The following SGCD variants were observed in gnomAD, a reference collection of about 807,000 sequenced individuals.
The protein encoded by SGCD is sarcoglycan delta.
In SGCD, 18 loss-of-function variants were observed where a neutral mutation model predicts 36.6. That is an observed-to-expected ratio of 0.49 (90% CI 0.34 to 0.73). The LOEUF (loss-of-function observed/expected upper bound fraction) is 0.73. Among genes scored for constraint, SGCD ranks in the 30% least tolerant of loss-of-function variants. The pLI, the probability that SGCD is intolerant of heterozygous loss-of-function variation, is 0.01. For synonymous variants in SGCD, 133 were observed against 130.6 expected (o/e 1.02, Z -0.12); for missense variants, 387 against 346.7 (o/e 1.12, Z -0.92).
At chr5:156,155,767 A>G (rs1383454862) in intron 3 of SGCD, among the ~76,000 whole-genome samples, 1 of 151,590 alleles carries the variant, frequency 6.6e-6, no homozygotes, top group East Asian at 1.9e-4. Flanking sequence ...CGAAAGACTG[A>G]CTTGTGCTCC....
chr5:156,108,051 T>C (rs1355757390), intron 1 of SGCD, among the ~76,000 whole-genome samples: 1 of 152,092 alleles, frequency 6.6e-6, no homozygotes, highest in Non-Finnish European at 1.5e-5. Flanking sequence ...AGGAATGAAG[T>C]ACATTGTCTA....
chr5:155,754,132 AT>A, the SGCD span, among the ~76,000 whole-genome samples: 1 of 152,174 alleles, frequency 6.6e-6, no homozygotes, highest in Non-Finnish European at 1.5e-5. Flanking sequence ...CTGGACTATC[AT>A]TTGGAGTCCT....
At position 156,416,954 on chromosome 5, in the gene SGCD, G is replaced by A. The variant is rs191745205; in HGVS notation, c.192+72277G>A. ...TAGATTATTAATGAGGTTGAAGAATGTACAACTTTGGCTCTAAGTCAAATG... is the reference window on the plus strand; with the variant it reads ...TAGATTATTAATGAGGTTGAAGAATATACAACTTTGGCTCTAAGTCAAATG... On this transcript the variant is annotated intron_variant, in intron 3 of 8. Coordinates refer to ENST00000337851, the MANE Select transcript of SGCD (RefSeq NM_000337.6). 2.0e-5 allele frequency among the ~76,000 whole-genome samples: 3 copies of A among 152,278 alleles called. No individual in the cohort carries two copies. The East Asian group carries it at 5.8e-4, about 29-fold the overall frequency.
chr5:156,528,783 G>A (rs1432283447), intron 4 of SGCD, among the ~76,000 whole-genome samples: 2 of 152,110 alleles, frequency 1.3e-5, no homozygotes, highest in Admixed American at 1.3e-4. Flanking sequence ...GAGCTCCTAA[G>A]TGTTGAGCTG....
intron 3 of SGCD, among the ~76,000 whole-genome samples, chr5:156,270,067 G>A (rs1766133685): frequency 6.6e-6 from 1 of 152,190 alleles, no homozygotes; most frequent in Non-Finnish European, 1.5e-5. Context: ...GTAAGGAAGG[G>A]ATCCAGTTTC....
At chr5:156,068,433 C>T (rs538886565) in intron 1 of SGCD, among the ~76,000 whole-genome samples, 1 of 152,206 alleles carries the variant, frequency 6.6e-6, no homozygotes, top group Non-Finnish European at 1.5e-5. Context: ...TCATCCATGT[C>T]CCTACAAAGG....
At position 156,043,592 on chromosome 5, in the gene SGCD, G is replaced by A. The variant is rs77297857; in HGVS notation, c.-281-74286G>A. 5.9e-3 allele frequency among the ~76,000 whole-genome samples: 895 copies of A among 152,150 alleles called. 7 individuals are homozygous for A. The highest frequency in any genetic ancestry group is 0.021 in the African/African-American group (861 of 41,526). On this transcript the variant is annotated intron_variant, in intron 1 of 9. Coordinates refer to the SGCD transcript ENST00000517913. ...CAGAGAAAGAACAGTTTTACTGCTT[G>A]GAAAAAGCTTTTATTTTGTCACCTG...
intron 3 of SGCD, among the ~76,000 whole-genome samples, chr5:156,404,053 T>C (rs1406872931): frequency 1.3e-5 from 2 of 152,122 alleles, no homozygotes; most frequent in African/African-American, 4.8e-5. Flanking sequence ...CAGGCTGGTC[T>C]GGAACTCCTG....
intron 8 of SGCD, chr5:156,758,016 C>T (rs939513790): frequency 8.6e-7 from 1 of 1,162,658 alleles, no homozygotes; most frequent in African/African-American, 1.6e-5. Flanking sequence ...TGTTAGCCAA[C>T]ATAATTAAGC....
intron 3 of SGCD, among the ~76,000 whole-genome samples, chr5:156,364,026 C>T (rs1769951829): frequency 6.6e-6 from 1 of 152,264 alleles, no homozygotes; most frequent in Admixed American, 6.5e-5. Flanking sequence ...AGTCCCACAC[C>T]TAATACTCAA....
chr5:156,056,645 T>TAAAAAAAAAAAAAAA (rs561328077), intron 1 of SGCD, among the ~76,000 whole-genome samples: 23 of 68,248 alleles, frequency 3.4e-4, no homozygotes, highest in African/African-American at 1.3e-3. Flanking sequence ...AAATTATCCT[T>TAAAAAAAAAAAAAAA]AAAAAAAAAA....
intron 3 of SGCD, among the ~76,000 whole-genome samples, chr5:156,257,994 A>C (rs1189284457): frequency 2.0e-5 from 3 of 152,210 alleles, no homozygotes; most frequent in Admixed American, 2.0e-4. Context: ...GGATTGTTTG[A>C]GTTACAAGCT....
chr5:156,450,888 T>C (rs1753979052), intron 3 of SGCD, among the ~76,000 whole-genome samples: 1 of 151,988 alleles, frequency 6.6e-6, no homozygotes, highest in South Asian at 2.1e-4. Context: ...AATATAGACA[T>C]TATAGAAAAT....
the SGCD span, among the ~76,000 whole-genome samples, chr5:155,811,889 ACATTTGTATGTAGAAGTACAGTG>A: frequency 0.029 from 4,359 of 152,176 alleles, 87 homozygotes; most frequent in East Asian, 0.13. Context: ...CTTTAACATA[ACATTTGTATGTAGAAGTACAGTG>A]CATTTGTATG....
intron 6 of SGCD, among the ~76,000 whole-genome samples, chr5:156,645,905 T>C (rs760756999): frequency 1.1e-4 from 17 of 152,166 alleles, no homozygotes; most frequent in Non-Finnish European, 1.6e-4. Flanking sequence ...ATAAACATTA[T>C]ATAATATTAC....
At chr5:155,830,464 G>C in the SGCD span, among the ~76,000 whole-genome samples, 1 of 152,230 alleles carries the variant, frequency 6.6e-6, no homozygotes, top group Admixed American at 6.5e-5. Context: ...TTATGGGGTA[G>C]GGATTTAACA....
intron 2 of SGCD, 101 bp from the exon 3 acceptor site, chr5:156,344,388 C>A: frequency 2.5e-6 from 2 of 785,952 alleles, no homozygotes; most frequent in Non-Finnish European, 2.0e-6. Flanking sequence ...AGACAGCAGC[C>A]AGCCATATCT....
chr5:155,762,168 C>A, the SGCD span, among the ~76,000 whole-genome samples: 1 of 152,040 alleles, frequency 6.6e-6, no homozygotes, highest in Non-Finnish European at 1.5e-5. Flanking sequence ...TTCTGACTAC[C>A]CCCACCCACC....
intron 3 of SGCD, among the ~76,000 whole-genome samples, chr5:156,154,284 A>G (rs1285638449): frequency 6.6e-6 from 1 of 151,798 alleles, no homozygotes; most frequent in South Asian, 2.1e-4. Flanking sequence ...CTGATGTGTT[A>G]GATTTGAACA....
Sources: gnomAD v4.1 joint callset for allele counts (sites outside exome capture counted in the v4.1 genomes callset) on GRCh38, gnomAD v4.1.1 for gene constraint, MANE v1.5 for transcripts, NCBI Gene and HGNC (gene_info 2026-07-23, HGNC 2026-07-21) for gene names.